The following LYRM4 variants were observed in gnomAD, a reference collection of about 807,000 sequenced individuals.
LYRM4 encodes LYR motif containing 4.
LYRM4 carries 9 observed loss-of-function variants against 11.7 expected under a neutral mutation model. That is an observed-to-expected ratio of 0.77 (90% CI 0.46 to 1.34). LYRM4 has a LOEUF of 1.34. Ranked by LOEUF, LYRM4 falls within the 40% of genes most tolerant of loss-of-function variation. The pLI, the probability that LYRM4 is intolerant of heterozygous loss-of-function variation, is 0.00. For missense variants in LYRM4, 133 were observed against 112.5 expected, an observed-to-expected ratio of 1.18 and a Z score of -0.82; for synonymous variants, 42 against 40.4, an observed-to-expected ratio of 1.04 and a Z score of -0.15.
intron 2 of LYRM4, among the ~76,000 whole-genome samples, chr6:5,190,729 A>C (rs1760704515): frequency 6.6e-6 from 1 of 152,184 alleles, no homozygotes. Context: ...CATAAGGCTG[A>C]TGTTAAATCT....
intron 2 of LYRM4, among the ~76,000 whole-genome samples, chr6:5,193,227 T>G (rs1760865456): frequency 1.3e-5 from 2 of 151,938 alleles, no homozygotes; most frequent in African/African-American, 4.8e-5. Context: ...TCTTCTCCTA[T>G]GAGTGAAGAA....
At chr6:5,217,995 A>C (rs1234442010) in intron 1 of LYRM4, among the ~76,000 whole-genome samples, 1 of 151,696 alleles carries the variant, frequency 6.6e-6, no homozygotes, top group African/African-American at 2.4e-5. Flanking sequence ...GCAATTGCAA[A>C]CTCCTGGGCT....
rs1234273971 is a variant in LYRM4 at position 5,152,776 on chromosome 6, T to C, written c.208-43285A>G. Among the ~76,000 whole-genome samples, 3 of 152,232 alleles carry C rather than the reference T, an allele frequency of 2.0e-5. 1 individual carries two copies. Among genetic ancestry groups the C allele is most frequent in the Admixed American group, 1.3e-4 (2 of 15,286 alleles). On this transcript the variant is annotated intron_variant, in intron 2 of 2. Coordinates refer to ENST00000330636, the MANE Select transcript of LYRM4 (RefSeq NM_020408.6). ...GAAAGCCTTCCTCTTGGGCCTCCTC[T>C]GTTGTTGGCTGGTAGGAATTCCAGG...
At chr6:5,185,065 C>T (rs367803) in intron 2 of LYRM4, among the ~76,000 whole-genome samples, 49,840 of 152,080 alleles carry the variant, frequency 0.33, 9,184 homozygotes, top group African/African-American at 0.51. Context: ...TGCCCTTTGT[C>T]TTCCCCAGCC....
chr6:5,096,298 A>C, the LYRM4 span, among the ~76,000 whole-genome samples: 1 of 152,250 alleles, frequency 6.6e-6, no homozygotes, highest in Non-Finnish European at 1.5e-5. Flanking sequence ...GAGACCAGCC[A>C]GGACAACATA....
the LYRM4 span, among the ~76,000 whole-genome samples, chr6:5,084,158 G>C: frequency 6.6e-6 from 1 of 152,230 alleles, no homozygotes; most frequent in Non-Finnish European, 1.5e-5. Context: ...ATGTGACAAC[G>C]GGCCCCCGAG....
chr6:5,140,225 C>T lies in LYRM4; in HGVS notation c.208-30734G>A, dbSNP rs932678834. On this transcript the variant is annotated intron_variant, in intron 2 of 2. Coordinates refer to ENST00000330636, the MANE Select transcript of LYRM4 (RefSeq NM_020408.6). ...CCTGGGCAACAGAGCGAGACCCTGT[C>T]TCAAAAGAAAAAAAAACCTTTCACC... is the stretch of plus-strand genomic sequence containing the variant. Among the ~76,000 whole-genome samples, 5 of 151,732 alleles carry T rather than the reference C, an allele frequency of 3.3e-5. 1 individual carries two copies. The South Asian group carries it at 6.2e-4, about 19-fold the overall frequency.
intron 1 of LYRM4, among the ~76,000 whole-genome samples, chr6:5,238,644 G>A (rs1199092267): frequency 6.6e-6 from 1 of 152,166 alleles, no homozygotes; most frequent in Admixed American, 6.5e-5. Context: ...GAGTGGTGAA[G>A]TGAATACAGA....
At chr6:5,186,420 C>T (rs570872618) in intron 2 of LYRM4, among the ~76,000 whole-genome samples, 8 of 152,254 alleles carry the variant, frequency 5.3e-5, no homozygotes, top group South Asian at 4.1e-4. Flanking sequence ...TCTGGCCTTG[C>T]GTTCTGGTGT....
At chr6:5,247,557 G>C (rs1191450949) in intron 1 of LYRM4, among the ~76,000 whole-genome samples, 1 of 152,206 alleles carries the variant, frequency 6.6e-6, no homozygotes, top group African/African-American at 2.4e-5. Context: ...TAACTGTATA[G>C]GGAAAATATC....
intron 2 of LYRM4, among the ~76,000 whole-genome samples, chr6:5,162,899 G>A (rs1758854087): frequency 6.6e-6 from 1 of 152,068 alleles, no homozygotes; most frequent in African/African-American, 2.4e-5. Flanking sequence ...TCTGGATATG[G>A]CCTTTTGTAA....
In LYRM4 at chr6:5,108,666, G is replaced by T; in HGVS notation, c.*757C>A. On this transcript the variant is annotated 3_prime_UTR_variant, in exon 3 of 3. Transcript: ENST00000330636. Reference sequence around the variant, plus strand: ...TTTGGGCACCGGTGCTGCCCAGCATGCCCCAGGCTTCAGGGTATGGGAGTC... The same window carrying T: ...TTTGGGCACCGGTGCTGCCCAGCATTCCCCAGGCTTCAGGGTATGGGAGTC... 3.4e-6 allele frequency: 2 copies of T among 596,720 alleles called. No homozygotes were observed. The highest frequency in any genetic ancestry group is 2.1e-6 in the Non-Finnish European group (1 of 474,572). 37.0% of individuals were successfully genotyped at this position (596,720 alleles called of 1,614,324 possible). A position where few individuals can be genotyped will look rare whatever the true frequency, so the allele number is the denominator to read the frequency against.
At chr6:5,239,715 G>A (rs970997774) in intron 1 of LYRM4, among the ~76,000 whole-genome samples, 4 of 152,138 alleles carry the variant, frequency 2.6e-5, no homozygotes, top group South Asian at 2.1e-4. Flanking sequence ...GCTGACAGCC[G>A]GGAGAGTGCA....
the LYRM4 span, chr6:5,085,045 C>G: frequency 5.6e-6 from 1 of 178,628 alleles, no homozygotes; most frequent in African/African-American, 2.4e-5. Flanking sequence ...GCTCTGCACC[C>G]CCACTTCGAG....
the LYRM4 span, among the ~76,000 whole-genome samples, chr6:5,048,269 A>G: frequency 6.6e-6 from 1 of 151,222 alleles, no homozygotes; most frequent in Non-Finnish European, 1.5e-5. Flanking sequence ...TTACATTTAA[A>G]GACAGGCTTT....
chr6:5,157,092 A>T (rs1178119471), intron 2 of LYRM4, among the ~76,000 whole-genome samples: 1 of 152,226 alleles, frequency 6.6e-6, no homozygotes, highest in Non-Finnish European at 1.5e-5. Flanking sequence ...TCAGTGAGTT[A>T]GTGAACCTAG....
chr6:5,157,993 G>A (rs1267051464), intron 2 of LYRM4, among the ~76,000 whole-genome samples: 2 of 152,168 alleles, frequency 1.3e-5, no homozygotes, highest in East Asian at 1.9e-4. Flanking sequence ...GGGCTGGCCC[G>A]AAACGCCAAG....
chr6:5,169,573 A>T (rs1182436045), intron 2 of LYRM4, among the ~76,000 whole-genome samples: 7 of 152,212 alleles, frequency 4.6e-5, no homozygotes, highest in African/African-American at 1.7e-4. Flanking sequence ...ATAAATATGA[A>T]TAATGAGAAT....
the LYRM4 span, chr6:5,085,386 C>T: frequency 2.3e-6 from 2 of 861,702 alleles, no homozygotes; most frequent in South Asian, 1.8e-5. Flanking sequence ...GGAGGGCGAG[C>T]CTGAACTGCA....
Sources: gnomAD v4.1 joint callset for allele counts (sites outside exome capture counted in the v4.1 genomes callset) on GRCh38, gnomAD v4.1.1 for gene constraint, MANE v1.5 for transcripts, NCBI Gene and HGNC (gene_info 2026-07-23, HGNC 2026-07-21) for gene names.